Variants in HPSE2 observed in about 807,000 individuals in gnomAD.
HPSE2 encodes the protein heparanase 2 (inactive).
Under a neutral mutation model 60.5 loss-of-function variants are expected in HPSE2, and 38 were observed. The observed-to-expected ratio is 0.63, with a 90% CI of 0.48 to 0.82. HPSE2 has a LOEUF of 0.82. Among genes scored for constraint, HPSE2 ranks in the 40% least tolerant of loss-of-function variants. The probability of loss-of-function intolerance (pLI) is 0.00; values close to 1 mark genes in which losing one functional copy is unlikely to be tolerated. For synonymous variants in HPSE2, 295 were observed against 293.2 expected, an observed-to-expected ratio of 1.01 and a Z score of -0.06; for missense variants, 713 against 740.4, an observed-to-expected ratio of 0.96 and a Z score of 0.43.
At chr10:99,262,483 G>C in the HPSE2 span, among the ~76,000 whole-genome samples, 1 of 151,846 alleles carries the variant, frequency 6.6e-6, no homozygotes, top group Non-Finnish European at 1.5e-5. Flanking sequence ...TAATCCACAA[G>C]TATGAGACAC....
intron 2 of HPSE2, among the ~76,000 whole-genome samples, chr10:99,185,930 A>C (rs966002595): frequency 2.0e-5 from 3 of 152,126 alleles, no homozygotes; most frequent in African/African-American, 7.2e-5. Flanking sequence ...AAAAAACGGA[A>C]TAGAGAATTC....
At chr10:98,978,541 T>C (rs956967732) in intron 3 of HPSE2, among the ~76,000 whole-genome samples, 1 of 152,206 alleles carries the variant, frequency 6.6e-6, no homozygotes, top group Admixed American at 6.5e-5. Flanking sequence ...AGCCAACTGG[T>C]AGCTTATTCT....
In HPSE2 at chr10:98,484,200, CTTCT is replaced by C. The variant is rs758819657; in HGVS notation, c.1467-1422_1467-1419del. On this transcript the variant is annotated intron_variant, in intron 10 of 11. Coordinates refer to ENST00000370552, the MANE Select transcript of HPSE2 (RefSeq NM_021828.5). ...CCTTCCTTTCTTCCTTCCTTCCTTC[CTTCT>C]TTTTCTGTCCTTCCTTCCTTCCTTT... Among the ~76,000 whole-genome samples the C allele has an allele frequency of 9.2e-5, 14 of 151,552 alleles. 1 individual carries two copies. In the Middle Eastern group the frequency reaches 0.01, roughly 110 times the overall value.
At chr10:99,279,806 C>A in the HPSE2 span, among the ~76,000 whole-genome samples, 1 of 152,188 alleles carries the variant, frequency 6.6e-6, no homozygotes, top group Non-Finnish European at 1.5e-5. Flanking sequence ...GGGAGGCAGA[C>A]TAAATAAATT....
At chr10:98,996,006 A>T (rs10883244) in intron 3 of HPSE2, among the ~76,000 whole-genome samples, 1 of 151,896 alleles carries the variant, frequency 6.6e-6, no homozygotes, top group East Asian at 1.9e-4. Flanking sequence ...TCTACAGATT[A>T]GTTAACGATA....
intron 7 of HPSE2, among the ~76,000 whole-genome samples, chr10:98,630,476 C>T (rs936441574): frequency 3.3e-5 from 5 of 152,178 alleles, no homozygotes; most frequent in East Asian, 1.9e-4. Context: ...GGATTACAGG[C>T]GTGAGCCACC....
rs537946286 is a variant in HPSE2 at position 98,541,954 on chromosome 10, T to C, written c.1321-51758A>G. Among the ~76,000 whole-genome samples the C allele has an allele frequency of 1.3e-3, 199 of 150,600 alleles. 1 individual carries two copies. Among genetic ancestry groups the C allele is most frequent in the African/African-American group, 4.6e-3 (191 of 41,226 alleles). Reference sequence around the variant, plus strand: ...ACTTAAATGTCCCTGTCTGACAGCTTTGAAGAGAGCAGTGGTTCTCCCAGC... The same window carrying C: ...ACTTAAATGTCCCTGTCTGACAGCTCTGAAGAGAGCAGTGGTTCTCCCAGC... On this transcript the variant is annotated intron_variant, in intron 9 of 11. Transcript: ENST00000370552.
chr10:98,978,507 A>G (rs1433098422), intron 3 of HPSE2, among the ~76,000 whole-genome samples: 1 of 152,160 alleles, frequency 6.6e-6, no homozygotes, highest in Non-Finnish European at 1.5e-5. Flanking sequence ...GCAATCCAGT[A>G]CTGTTTTGCC....
At chr10:98,610,340 C>G (rs1308212224) in intron 9 of HPSE2, among the ~76,000 whole-genome samples, 1 of 152,154 alleles carries the variant, frequency 6.6e-6, no homozygotes, top group Admixed American at 6.5e-5. Context: ...GTGATAGGCT[C>G]ATCAACTGTG....
intron 4 of HPSE2, among the ~76,000 whole-genome samples, chr10:98,727,399 C>A (rs1380073746): frequency 3.3e-5 from 5 of 152,064 alleles, no homozygotes; most frequent in African/African-American, 7.2e-5. Context: ...GCCTGTAATC[C>A]CAGCACTTTG....
chr10:99,291,332 TC>T, the HPSE2 span, among the ~76,000 whole-genome samples: 1 of 152,274 alleles, frequency 6.6e-6, no homozygotes, highest in South Asian at 2.1e-4. Flanking sequence ...ACGCCTGTAA[TC>T]CCAGCACTTT....
intron 3 of HPSE2, among the ~76,000 whole-genome samples, chr10:98,891,387 A>G (rs1304765520): frequency 6.6e-6 from 1 of 152,172 alleles, no homozygotes; most frequent in Non-Finnish European, 1.5e-5. Flanking sequence ...TAATTTACTC[A>G]TGGAATGTAA....
chr10:99,026,182 G>C (rs1169449078), intron 3 of HPSE2, among the ~76,000 whole-genome samples: 1 of 151,920 alleles, frequency 6.6e-6, no homozygotes, highest in Non-Finnish European at 1.5e-5. Context: ...ACATACACTG[G>C]CTGAATGGAT....
At chr10:99,238,190 C>T (rs1849902565), upstream of HPSE2, among the ~76,000 whole-genome samples, 1 of 152,150 alleles carries the variant, frequency 6.6e-6, no homozygotes, top group East Asian at 1.9e-4. Context: ...CCTTGGCTTA[C>T]AAGTGAATGC....
intron 3 of HPSE2, among the ~76,000 whole-genome samples, chr10:98,939,546 T>G (rs1361152825): frequency 7.0e-6 from 1 of 143,500 alleles, no homozygotes; most frequent in Non-Finnish European, 1.5e-5. Context: ...CCTAAATATA[T>G]ATGCACCCAA....
At chr10:98,696,677 G>A (rs918535975) in intron 5 of HPSE2, among the ~76,000 whole-genome samples, 1 of 152,186 alleles carries the variant, frequency 6.6e-6, no homozygotes, top group Non-Finnish European at 1.5e-5. Flanking sequence ...CCAGGAGGAG[G>A]GGTGACCAGC....
At chr10:98,688,174 A>G (rs1278172921) in intron 6 of HPSE2, among the ~76,000 whole-genome samples, 1 of 152,130 alleles carries the variant, frequency 6.6e-6, no homozygotes, top group African/African-American at 2.4e-5. Context: ...TAAGTATTGT[A>G]CTACTTATAT....
At chr10:98,848,144 G>A (rs1952076855) in intron 3 of HPSE2, among the ~76,000 whole-genome samples, 1 of 152,214 alleles carries the variant, frequency 6.6e-6, no homozygotes, top group Non-Finnish European at 1.5e-5. Context: ...AGAGCCAGGT[G>A]TGGTGGCTCA....
chr10:98,851,338 T>C (rs758760519), intron 3 of HPSE2, among the ~76,000 whole-genome samples: 10 of 152,184 alleles, frequency 6.6e-5, no homozygotes, highest in Non-Finnish European at 1.0e-4. Context: ...CTGGAATACC[T>C]CAACAGTCTC....
Sources: allele counts gnomAD v4.1 joint callset (sites outside exome capture counted in the v4.1 genomes callset), GRCh38; gene constraint gnomAD v4.1.1; transcripts MANE v1.5; gene names NCBI Gene and HGNC (gene_info 2026-07-23, HGNC 2026-07-21).